The following CSNK1G2 variants were observed in gnomAD, a reference collection of about 807,000 sequenced individuals.
The protein encoded by CSNK1G2 is casein kinase 1 gamma 2.
A neutral mutation model predicts 48.0 loss-of-function variants in CSNK1G2; 11 were observed. That is an observed-to-expected ratio of 0.23 (90% CI 0.14 to 0.38). The LOEUF is 0.38. Among genes scored for constraint, CSNK1G2 ranks in the 10% least tolerant of loss-of-function variants. The pLI is 1.00. For missense variants in CSNK1G2, 446 were observed against 595.5 expected, an observed-to-expected ratio of 0.75 and a Z score of 2.61; for synonymous variants, 337 against 254.1, an observed-to-expected ratio of 1.33 and a Z score of -3.10.
chr19:1,973,780 C>G (rs1263022933), intron 2 of CSNK1G2, among the ~76,000 whole-genome samples: 1 of 152,226 alleles, frequency 6.6e-6, no homozygotes. Context: ...TGTGCACATT[C>G]ACTTTGGCCA....
At chr19:1,970,309 C>T (rs976505981) in intron 2 of CSNK1G2, among the ~76,000 whole-genome samples, 7 of 152,274 alleles carry the variant, frequency 4.6e-5, no homozygotes, top group Admixed American at 2.0e-4. Flanking sequence ...CCGGCTTTAA[C>T]GGCAGGTGCC....
chr19:1,942,800 A>G (rs187482751), intron 1 of CSNK1G2, among the ~76,000 whole-genome samples: 299 of 152,260 alleles, frequency 2.0e-3, no homozygotes, highest in African/African-American at 6.9e-3. Context: ...CAGGGCCCCC[A>G]GGTTTGAAAG....
At chr19:1,964,113 C>A (rs527693225) in intron 1 of CSNK1G2, among the ~76,000 whole-genome samples, 16 of 152,078 alleles carry the variant, frequency 1.1e-4, no homozygotes, top group African/African-American at 3.9e-4. Context: ...CATGAGCCAC[C>A]GCTCCTGGCC....
At chr19:1,958,006 C>T (rs1348619438) in intron 1 of CSNK1G2, among the ~76,000 whole-genome samples, 14 of 152,088 alleles carry the variant, frequency 9.2e-5, no homozygotes, top group African/African-American at 2.2e-4. Flanking sequence ...TTGTCTTGTC[C>T]GGAAGCCGGG....
chr19:1,946,359 T>G (rs1599279109), intron 1 of CSNK1G2, among the ~76,000 whole-genome samples: 1 of 151,228 alleles, frequency 6.6e-6, no homozygotes, highest in East Asian at 1.9e-4. Context: ...TGGCCCGATC[T>G]CAGCTCACTG....
intron 1 of CSNK1G2, among the ~76,000 whole-genome samples, chr19:1,945,961 G>A (rs1599278203): frequency 6.6e-6 from 1 of 152,220 alleles, no homozygotes; most frequent in Non-Finnish European, 1.5e-5. Flanking sequence ...AGTGGGGCAG[G>A]CAGCCCAGTG....
intron 2 of CSNK1G2, among the ~76,000 whole-genome samples, chr19:1,971,687 C>A (rs2015575862): frequency 6.6e-6 from 1 of 152,042 alleles, no homozygotes; most frequent in Admixed American, 6.6e-5. Context: ...TATGTGGGTC[C>A]TGTCCTTGGG....
At position 1,979,098 on chromosome 19, in the gene CSNK1G2, G is replaced by T; in HGVS notation, c.682+5G>T. The T allele has an allele frequency of 6.3e-7, 1 of 1,594,278 alleles. No homozygotes were observed. On this transcript the variant is annotated splice_donor_5th_base_variant and intron_variant, in intron 6 of 11. Transcript: ENST00000255641. ...TCAACACGCACCTGGGCAAGGGTGA[G>T]CTGCGCGCGCGCGGCGGGGGGCGGG...
chr19:1,978,959 C>A lies in CSNK1G2; in HGVS notation c.548C>A (p.Ala183Asp). Reference protein sequence around the residue: ...VGRPGTKRQHAIHIIDFGLAK... With the variant: ...VGRPGTKRQHDIHIIDFGLAK... Reference sequence around the variant, plus strand: ...CGCCCGGGGACCAAGCGGCAGCATGCCATCCACATCATCGACTTCGGGCTG... The same window carrying A: ...CGCCCGGGGACCAAGCGGCAGCATGACATCCACATCATCGACTTCGGGCTG... The change falls in exon 6 of 12, where the codon GCC becomes GAC. Residue 183 changes from alanine (A) to aspartate (D), a missense_variant. Ala to Asp is a moderately radical substitution (Grantham distance 126, BLOSUM62 -2). Coordinates refer to ENST00000255641, the MANE Select transcript of CSNK1G2 (RefSeq NM_001319.7). This position sits in a 1 kb window ranked among gnomAD's most constrained non-coding sequence, Gnocchi z 7.3. 1 of 1,601,102 alleles carries A rather than the reference C, an allele frequency of 6.2e-7. No homozygotes were observed. Among genetic ancestry groups the A allele is most frequent in the Non-Finnish European group, 8.5e-7 (1 of 1,179,706 alleles).
rs117072399 is a variant in CSNK1G2 at position 1,954,882 on chromosome 19, G to A, written c.-266+13464G>A. On this transcript the variant is annotated intron_variant, in intron 1 of 11. Coordinates refer to ENST00000255641, the MANE Select transcript of CSNK1G2 (RefSeq NM_001319.7). ...GGACGGAATCGTGGCTGCGTGGGTT[G>A]GGTGGAGGCTGGGTGAGGATCAGCG... 5.9e-4 allele frequency among the ~76,000 whole-genome samples: 90 copies of A among 152,274 alleles called. No homozygotes were observed. In the East Asian group the frequency reaches 0.016, roughly 26 times the overall value.
At chr19:1,972,309 C>G (rs1299211499) in intron 2 of CSNK1G2, among the ~76,000 whole-genome samples, 1 of 152,214 alleles carries the variant, frequency 6.6e-6, no homozygotes, top group Non-Finnish European at 1.5e-5. Context: ...GCACTGGGCT[C>G]CTCGAGCACT....
intron 2 of CSNK1G2, among the ~76,000 whole-genome samples, chr19:1,973,305 C>T (rs998840570): frequency 6.6e-6 from 1 of 152,044 alleles, no homozygotes; most frequent in Non-Finnish European, 1.5e-5. Context: ...CTCACTGCAA[C>T]CTCCGCCTCC....
rs1426334483 is a variant in CSNK1G2, at chr19:1,959,661, C to G, written c.-265-9847C>G. ...CCACCGTGGGTCCCCCAGCACCCGCCCCACCTTTAGTGCCACCGTGGGTCC... is the reference window on the plus strand; with the variant it reads ...CCACCGTGGGTCCCCCAGCACCCGCGCCACCTTTAGTGCCACCGTGGGTCC... On this transcript the variant is annotated intron_variant, in intron 1 of 11. Coordinates refer to ENST00000255641, the MANE Select transcript of CSNK1G2 (RefSeq NM_001319.7). 1.3e-3 allele frequency among the ~76,000 whole-genome samples: 142 copies of G among 113,042 alleles called. 4 individuals carry two copies. The highest frequency in any genetic ancestry group is 3.1e-3 in the East Asian group (11 of 3,530). 74.2% of individuals were successfully genotyped at this position (113,042 alleles called of 152,430 possible). A position where few individuals can be genotyped will look rare whatever the true frequency, so the allele number is the denominator to read the frequency against.
At chr19:1,966,608 G>C (rs2015372756) in intron 1 of CSNK1G2, among the ~76,000 whole-genome samples, 1 of 152,190 alleles carries the variant, frequency 6.6e-6, no homozygotes, top group South Asian at 2.1e-4. Context: ...ACCGACTGCA[G>C]TTCTGAAAGA....
rs760122101 is a variant in CSNK1G2 at position 1,979,927 on chromosome 19, A to G, written c.1103A>G (p.Asn368Ser). ...CCCCACCAGGCGTTGAACTCCACCA[A>G]CGGGGAGCTGAATGCGGACGACCCC... The part of the protein sequence containing the change: ...HSKNQALNST[N>S]GELNADDPTA... The change falls in exon 11 of 12, where the codon AAC becomes AGC. Residue 368 changes from asparagine (N) to serine (S), a missense_variant. Asn to Ser is a conservative substitution (Grantham distance 46, BLOSUM62 1). Around this residue, in one of 2 missense-constraint regions of CSNK1G2, gnomAD observed 188 missense variants for 179.6 expected, o/e 1.05. Transcript: ENST00000255641. The G allele has an allele frequency of 2.5e-6, 4 of 1,606,070 alleles. No individual in the cohort carries two copies. Among genetic ancestry groups the G allele is most frequent in the South Asian group, 1.1e-5 (1 of 90,488 alleles).
chr19:1,976,003 C>A (rs2015740340), intron 2 of CSNK1G2: 1 of 1,202,076 alleles, frequency 8.3e-7, no homozygotes, highest in South Asian at 1.3e-5. Context: ...CCAGTGCACT[C>A]CAGCCTGGGC....
In CSNK1G2 at chr19:1,967,449, G is replaced by T. The variant is rs145227815; in HGVS notation, c.-265-2059G>T. Among the ~76,000 whole-genome samples the T allele has an allele frequency of 5.8e-3, 890 of 152,278 alleles. 5 individuals are homozygous for T. Among genetic ancestry groups the T allele is most frequent in the Middle Eastern group, 0.02 (6 of 294 alleles). ...AGGGTGGGGCTTCTGTCTGTCTGGA[G>T]CCCTAGAATGGGGCCAGGGGTGGCT... On this transcript the variant is annotated intron_variant, in intron 1 of 11. Coordinates refer to ENST00000255641, the MANE Select transcript of CSNK1G2 (RefSeq NM_001319.7).
intron 1 of CSNK1G2, chr19:1,959,273 G>C (rs960239531): frequency 3.9e-5 from 6 of 152,190 alleles, no homozygotes; most frequent in African/African-American, 1.4e-4. Flanking sequence ...TGTCCTCAAC[G>C]AGGGTTTTGG....
rs1568188433 is a variant in CSNK1G2 at position 1,957,370 on chromosome 19, A to G, written c.-265-12138A>G. 6.6e-6 allele frequency among the ~76,000 whole-genome samples: 1 copy of G among 152,050 alleles called. No homozygotes were observed. The highest frequency in any genetic ancestry group is 1.5e-5 in the Non-Finnish European group (1 of 68,012). ...ACAGACGAAAGTGGAGCCGGGGGAG[A>G]GATGTCCCGGGATGCACCAGGCGCT... On this transcript the variant is annotated intron_variant, in intron 1 of 11. Coordinates refer to ENST00000255641, the MANE Select transcript of CSNK1G2 (RefSeq NM_001319.7). The surrounding 1 kb of genome is among the most constrained non-coding windows in gnomAD (Gnocchi z 5.4).
Sources: gnomAD v4.1 joint callset for allele counts (sites outside exome capture counted in the v4.1 genomes callset) on GRCh38, gnomAD v4.1.1 for gene constraint, gnomAD v4.1.1 regional missense constraint, Gnocchi (gnomAD v3.1) non-coding constraint, MANE v1.5 for transcripts, NCBI Gene and HGNC (gene_info 2026-07-23, HGNC 2026-07-21) for gene names.